MOV10L1: variants seen among roughly 807,000 people sequenced by gnomAD.
The protein encoded by MOV10L1 is Mov10 like RNA helicase 1, also known as RNA helicase Mov10l1.
A neutral mutation model predicts 143.8 loss-of-function variants in MOV10L1; 110 were observed. The observed-to-expected ratio is 0.76, with a 90% CI of 0.66 to 0.90. The LOEUF is 0.90. MOV10L1 is among the 40% of genes least tolerant of loss of function. The pLI, the probability that MOV10L1 is intolerant of heterozygous loss-of-function variation, is 0.00. For missense variants in MOV10L1, 1,406 were observed against 1,526.8 expected, an observed-to-expected ratio of 0.92 and a Z score of 1.32; for synonymous variants, 593 against 581.1, an observed-to-expected ratio of 1.02 and a Z score of -0.29.
chr22:50,103,882 A>G lies in MOV10L1; in HGVS notation c.443-4254A>G, dbSNP rs148962647. 3.2e-3 allele frequency among the ~76,000 whole-genome samples: 485 copies of G among 152,274 alleles called. 3 individuals are homozygous for G. The highest frequency in any genetic ancestry group is 0.011 in the African/African-American group (457 of 41,550). On this transcript the variant is annotated intron_variant, in intron 3 of 26. Transcript: ENST00000262794. The stretch of plus-strand genomic sequence containing the variant: ...TTTCCACAGACCAGGGAGGGAGGAT[A>G]GTTTTGGGATGATTTCAGTGCATTA...
Position 50,093,575 on chromosome 22 carries a change from T to G in MOV10L1, c.282+1390T>G, listed in dbSNP as rs2062510449. ...CCAGGCTGGAGTATAGTAGTGCGAT[T>G]ATAGTTCACTGCAGCCTGGAACTCC... On this transcript the variant is annotated intron_variant, in intron 2 of 26. Coordinates refer to ENST00000262794, the MANE Select transcript of MOV10L1 (RefSeq NM_018995.3). 2.0e-5 allele frequency: 3 copies of G among 152,126 alleles called. No individual in the cohort carries two copies. The South Asian group carries it at 6.2e-4, about 32-fold the overall frequency. The allele number at this position is 152,126 out of a possible 1,614,324, so 9.4% of individuals were successfully genotyped here.
intron 13 of MOV10L1, among the ~76,000 whole-genome samples, chr22:50,133,504 T>C (rs1294133122): frequency 7.3e-6 from 1 of 136,594 alleles, no homozygotes. Context: ...TTTTGTCCCA[T>C]GCTTTTTTTT....
At chr22:50,120,117 C>T (rs926114739) in intron 9 of MOV10L1, among the ~76,000 whole-genome samples, 2 of 152,320 alleles carry the variant, frequency 1.3e-5, no homozygotes, top group East Asian at 1.9e-4. Flanking sequence ...CTAATGTGTG[C>T]TTTGCAGGGA....
intron 13 of MOV10L1, among the ~76,000 whole-genome samples, chr22:50,132,411 C>A (rs1716723627): frequency 6.6e-6 from 1 of 152,122 alleles, no homozygotes; most frequent in Admixed American, 6.5e-5. Context: ...GAATTGAAAT[C>A]TTAATAATAA....
At chr22:50,117,432 T>C (rs2062212850) in intron 9 of MOV10L1, 81 bp downstream of exon 9, 10 of 1,458,600 alleles carry the variant, frequency 6.9e-6, no homozygotes, top group Non-Finnish European at 8.4e-6. Flanking sequence ...TGGCAAGCGG[T>C]GGCTACCACC....
rs2063493563 is a variant in MOV10L1 at position 50,159,016 on chromosome 22, G to C, written c.3217-662G>C. 6.6e-6 allele frequency: 1 copy of C among 152,160 alleles called. No individual in the cohort carries two copies. The highest frequency in any genetic ancestry group is 1.5e-5 in the Non-Finnish European group (1 of 68,050). 9.4% of individuals were successfully genotyped at this position (152,160 alleles called of 1,614,324 possible). ...CTGGTGTCTTAACCTCAGCTTGTAG[G>C]TGCCATCCTGCTGAGACATCCAGCT... On this transcript the variant is annotated intron_variant, in intron 23 of 26. Transcript: ENST00000262794. The surrounding 1 kb of genome is among the most constrained non-coding windows in gnomAD (Gnocchi z 4.1).
chr22:50,102,508 C>A (rs574168620), intron 3 of MOV10L1, among the ~76,000 whole-genome samples: 1 of 152,282 alleles, frequency 6.6e-6, no homozygotes, highest in East Asian at 1.9e-4. Context: ...TCCTTCTTGA[C>A]GTTAATTCAA....
At chr22:50,149,918 A>G (rs970332233) in intron 20 of MOV10L1, among the ~76,000 whole-genome samples, 1 of 152,202 alleles carries the variant, frequency 6.6e-6, no homozygotes, top group Non-Finnish European at 1.5e-5. Context: ...ATTTACTTGT[A>G]AAACGGAGGT....
chr22:50,151,578 G>GT (rs34724782), intron 21 of MOV10L1, among the ~76,000 whole-genome samples: 34,883 of 152,156 alleles, frequency 0.23, 4,367 homozygotes, highest in Admixed American at 0.36. Flanking sequence ...CGCAAGACAG[G>GT]ACCGGCTGTG....
intron 9 of MOV10L1, among the ~76,000 whole-genome samples, chr22:50,118,386 A>G (rs138227): frequency 0.48 from 73,648 of 152,076 alleles, 18,868 homozygotes; most frequent in Admixed American, 0.6. Context: ...TTTCTGGCAC[A>G]AAGCAATCAC....
chr22:50,098,847 C>T (rs2062664336), intron 2 of MOV10L1, among the ~76,000 whole-genome samples: 2 of 152,054 alleles, frequency 1.3e-5, no homozygotes, highest in Non-Finnish European at 2.9e-5. Flanking sequence ...AGATTTCCTG[C>T]GATTCCTAGT....
intron 10 of MOV10L1, among the ~76,000 whole-genome samples, chr22:50,125,086 G>C (rs771320605): frequency 2.0e-5 from 3 of 152,212 alleles, no homozygotes; most frequent in Non-Finnish European, 4.4e-5. Context: ...TGCCTTCCCA[G>C]AATTAACGTG....
rs780397485 is a variant in MOV10L1, at chr22:50,150,861, A to G, written c.2854A>G (p.Asn952Asp). 2.5e-6 allele frequency: 4 copies of G among 1,614,030 alleles called. No homozygotes were observed. Among genetic ancestry groups the G allele is most frequent in the Non-Finnish European group, 3.4e-6 (4 of 1,180,034 alleles). The change falls in exon 21 of 27, where the codon AAT (asparagine) becomes GAT (aspartate). Residue 952 changes from asparagine (N) to aspartate (D), a missense_variant. Coordinates refer to ENST00000262794, the MANE Select transcript of MOV10L1 (RefSeq NM_018995.3). ...MSRPAYQRDENAFGACGAHNP... is the reference protein window; with the variant it reads ...MSRPAYQRDEDAFGACGAHNP... ...TCGACCCGCGTACCAGAGGGACGAAAATGCTTTCGGTGCTTGTGGCGCACA... is the reference window on the plus strand; with the variant it reads ...TCGACCCGCGTACCAGAGGGACGAAGATGCTTTCGGTGCTTGTGGCGCACA...
chr22:50,141,977 A>G (rs1171148968), intron 15 of MOV10L1, 104 bp from the exon 16 acceptor site: 14 of 758,620 alleles, frequency 1.8e-5, no homozygotes, highest in Non-Finnish European at 2.6e-5. Context: ...GCTGTTAAAT[A>G]AATATACTAA....
At chr22:50,148,320 C>G (rs1422534470) in intron 19 of MOV10L1, among the ~76,000 whole-genome samples, 2 of 152,240 alleles carry the variant, frequency 1.3e-5, no homozygotes, top group Non-Finnish European at 2.9e-5. Context: ...GCCGGGGCAC[C>G]TGTTCCTCAG....
chr22:50,098,092 C>T (rs971321113), intron 2 of MOV10L1, among the ~76,000 whole-genome samples: 3 of 152,010 alleles, frequency 2.0e-5, no homozygotes, highest in African/African-American at 7.3e-5. Flanking sequence ...CTGCCTCAAC[C>T]TCCCAAAGTG....
rs1443602324 is a variant in MOV10L1 at position 50,125,481 on chromosome 22, C to T, written c.1659C>T (p.Asn553=). The T allele has an allele frequency of 6.2e-7, 1 of 1,614,180 alleles. No individual in the cohort carries two copies. Among genetic ancestry groups the T allele is most frequent in the Non-Finnish European group, 8.5e-7 (1 of 1,180,022 alleles). ...IYAEMELKEY[N]MSGIILRRNG... ...CAGAAATGGAACTGAAAGAGTATAA[C>T]ATGAGCGGGATCATCTTAAGAAGGA... Residue 553 remains asparagine (N), a synonymous_variant, in exon 11 of 27, where the codon AAC becomes AAT. Coordinates refer to ENST00000262794, the MANE Select transcript of MOV10L1 (RefSeq NM_018995.3).
chr22:50,103,583 C>G (rs2061798988), intron 3 of MOV10L1, among the ~76,000 whole-genome samples: 1 of 152,106 alleles, frequency 6.6e-6, no homozygotes. Context: ...AGAATAGCCC[C>G]CAGGTAGGAT....
At chr22:50,137,980 C>A (rs2147312841) in intron 15 of MOV10L1, among the ~76,000 whole-genome samples, 1 of 151,472 alleles carries the variant, frequency 6.6e-6, no homozygotes, top group East Asian at 1.9e-4. Context: ...GCTTAACATT[C>A]CAAAAATAAA....
Sources: gnomAD v4.1 joint callset for allele counts (sites outside exome capture counted in the v4.1 genomes callset) on GRCh38, gnomAD v4.1.1 for gene constraint, Gnocchi (gnomAD v3.1) non-coding constraint, MANE v1.5 for transcripts, NCBI Gene and HGNC (gene_info 2026-07-23, HGNC 2026-07-21) for gene names.